RBPMS: variants seen among roughly 807,000 people sequenced by gnomAD.
The protein encoded by RBPMS is RNA binding protein, mRNA processing factor.
Under a neutral mutation model 26.8 loss-of-function variants are expected in RBPMS, and 7 were observed. That is an observed-to-expected ratio of 0.26 (90% CI 0.15 to 0.49). RBPMS has a LOEUF of 0.49. RBPMS is among the 20% of genes least tolerant of loss of function. The probability of loss-of-function intolerance (pLI) is 0.98; values close to 1 mark genes in which losing one functional copy is unlikely to be tolerated. For synonymous variants in RBPMS, 96 were observed against 93.3 expected, an observed-to-expected ratio of 1.03 and a Z score of -0.17; for missense variants, 186 against 250.0, an observed-to-expected ratio of 0.74 and a Z score of 1.73.
chr8:30,389,662 CAG>C (rs1371228298), intron 1 of RBPMS, among the ~76,000 whole-genome samples: 2 of 152,086 alleles, frequency 1.3e-5, no homozygotes, highest in African/African-American at 4.8e-5. Flanking sequence ...TGACTTATGA[CAG>C]TGACAATTCA....
Position 30,481,830 on chromosome 8 carries a change from G to C in RBPMS, c.246+2453G>C, listed in dbSNP as rs73570048. Among the ~76,000 whole-genome samples, 646 of 152,320 alleles carry C rather than the reference G, an allele frequency of 4.2e-3. 3 individuals are homozygous for C. Among genetic ancestry groups the C allele is most frequent in the African/African-American group, 0.014 (602 of 41,572 alleles). On this transcript the variant is annotated intron_variant, in intron 4 of 8. Coordinates refer to ENST00000397323, the MANE Select transcript of RBPMS (RefSeq NM_001008710.3). ...TTGAACTTTTCTATGTAAAGTAGTA[G>C]AGGTATTAGAAATCTTTCCGATGTT...
chr8:30,568,215 T>C (rs1184206715), intron 8 of RBPMS, among the ~76,000 whole-genome samples: 2 of 152,224 alleles, frequency 1.3e-5, no homozygotes, highest in Non-Finnish European at 2.9e-5. Context: ...GGCCCATGTT[T>C]ATTTGGAGTT....
intron 1 of RBPMS, among the ~76,000 whole-genome samples, chr8:30,457,320 TC>T (rs1157440661): frequency 1.3e-5 from 2 of 152,224 alleles, no homozygotes; most frequent in African/African-American, 2.4e-5. Context: ...AAATCTGTAT[TC>T]TCATTCACAG....
chr8:30,412,551 C>T (rs1809579602), intron 1 of RBPMS, among the ~76,000 whole-genome samples: 1 of 152,004 alleles, frequency 6.6e-6, no homozygotes, highest in Non-Finnish European at 1.5e-5. Context: ...CTTGCCCTCT[C>T]AAAACCAATT....
chr8:30,407,624 CGCA>C (rs1808804240), intron 1 of RBPMS, among the ~76,000 whole-genome samples: 1 of 3,426 alleles, frequency 2.9e-4, no homozygotes, highest in Middle Eastern at 0.042. Flanking sequence ...GGAGGAAGAG[CGCA>C]GTTGATGTGA....
At chr8:30,570,237 G>T (rs992521608) in intron 8 of RBPMS, among the ~76,000 whole-genome samples, 4 of 152,138 alleles carry the variant, frequency 2.6e-5, no homozygotes, top group African/African-American at 9.7e-5. Context: ...GCCTCTTTCG[G>T]CACACAAATA....
chr8:30,546,939 C>G (rs1436084952), intron 6 of RBPMS, among the ~76,000 whole-genome samples: 1 of 152,182 alleles, frequency 6.6e-6, no homozygotes, highest in East Asian at 1.9e-4. Flanking sequence ...CTGGCTCTTT[C>G]CACTCCGAGG....
intron 7 of RBPMS, among the ~76,000 whole-genome samples, chr8:30,560,989 C>T (rs1039748584): frequency 1.3e-5 from 2 of 152,058 alleles, no homozygotes; most frequent in African/African-American, 4.8e-5. Context: ...CTTGTTTGTC[C>T]CTTATTCTGA....
At chr8:30,511,486 AATATATAT>A (rs869100800) in intron 5 of RBPMS, among the ~76,000 whole-genome samples, 563 of 23,254 alleles carry the variant, frequency 0.024, 5 homozygotes, top group Middle Eastern at 0.067. Context: ...AAAAAAAAAA[AATATATAT>A]ATATATATAT....
chr8:30,393,785 C>T (rs1443777859), intron 1 of RBPMS, among the ~76,000 whole-genome samples: 1 of 152,008 alleles, frequency 6.6e-6, no homozygotes, highest in Non-Finnish European at 1.5e-5. Flanking sequence ...TGCCAAAGTG[C>T]TGGGATTACA....
At chr8:30,385,493 A>G (rs116626200) in intron 1 of RBPMS, 3,711 of 217,034 alleles carry the variant, frequency 0.017, 153 homozygotes, top group African/African-American at 0.082. Flanking sequence ...GTCAGGACTT[A>G]GGGCCGGGGC....
rs149879457 is a variant in RBPMS at position 30,499,508 on chromosome 8, C to T, written c.247-4778C>T. Among the ~76,000 whole-genome samples the T allele has an allele frequency of 5.9e-5, 9 of 151,940 alleles. No homozygotes were observed. The East Asian group carries it at 1.7e-3, about 29-fold the overall frequency. On this transcript the variant is annotated intron_variant, in intron 4 of 8. Coordinates refer to ENST00000397323, the MANE Select transcript of RBPMS (RefSeq NM_001008710.3). The stretch of plus-strand genomic sequence containing the variant: ...AAAGCTAATATCACTCGTAATGGGA[C>T]AAAAGTGACATCATGTGCCTCTTGA...
chr8:30,437,537 T>G (rs1385600833), intron 1 of RBPMS, among the ~76,000 whole-genome samples: 1 of 152,072 alleles, frequency 6.6e-6, no homozygotes, highest in Non-Finnish European at 1.5e-5. Flanking sequence ...ATGCCTGTAA[T>G]CCCAGCACTT....
At chr8:30,429,154 T>G (rs946354080) in intron 1 of RBPMS, among the ~76,000 whole-genome samples, 1 of 152,320 alleles carries the variant, frequency 6.6e-6, no homozygotes, top group East Asian at 1.9e-4. Context: ...AGCCCCTTCT[T>G]GCTTTACAGA....
At chr8:30,443,587 G>GT (rs57370333) in intron 1 of RBPMS, among the ~76,000 whole-genome samples, 37,996 of 151,454 alleles carry the variant, frequency 0.25, 5,066 homozygotes, top group East Asian at 0.42. Flanking sequence ...AATCTTTCAG[G>GT]TTTTTTTTGT....
At chr8:30,528,436 T>C (rs1047059378) in intron 5 of RBPMS, among the ~76,000 whole-genome samples, 2 of 152,140 alleles carry the variant, frequency 1.3e-5, no homozygotes, top group Admixed American at 6.5e-5. Flanking sequence ...CCTTATGGGC[T>C]CCAGATGGGG....
chr8:30,557,312 G>A (rs775282390), intron 6 of RBPMS, among the ~76,000 whole-genome samples: 21 of 152,200 alleles, frequency 1.4e-4, no homozygotes, highest in Middle Eastern at 3.2e-3. Flanking sequence ...CCTTGTGCTC[G>A]GACCAGGGAC....
intron 1 of RBPMS, among the ~76,000 whole-genome samples, chr8:30,470,135 G>A (rs1033819763): frequency 1.3e-5 from 2 of 152,108 alleles, no homozygotes; most frequent in Non-Finnish European, 2.9e-5. Flanking sequence ...TGTAATCCCA[G>A]CACTTTGGGA....
intron 1 of RBPMS, among the ~76,000 whole-genome samples, chr8:30,469,752 G>A (rs189189532): frequency 4.5e-4 from 69 of 152,344 alleles, no homozygotes; most frequent in African/African-American, 1.6e-3. Flanking sequence ...GCTTTGACCT[G>A]CTGCAAAGTT....
Sources: gnomAD v4.1 joint callset for allele counts (sites outside exome capture counted in the v4.1 genomes callset) on GRCh38, gnomAD v4.1.1 for gene constraint, MANE v1.5 for transcripts, NCBI Gene and HGNC (gene_info 2026-07-23, HGNC 2026-07-21) for gene names.